Variants in BLTP1 observed in about 807,000 individuals in gnomAD.
BLTP1 encodes the protein fragile site-associated protein.
the BLTP1 span, chr4:122,286,311 T>C: frequency 4.0e-3 from 1,614 of 407,876 alleles, 3 homozygotes; most frequent in Non-Finnish European, 4.6e-3. Context: ...CTGCCAGTCT[T>C]AATAAATAAT....
chr4:122,299,786 A>G, the BLTP1 span: 5 of 984,374 alleles, frequency 5.1e-6, no homozygotes, highest in African/African-American at 1.7e-5. Context: ...AGGGTTATCA[A>G]TGATGAGGCT....
chr4:122,327,099 GTGTTT>G, the BLTP1 span, among the ~76,000 whole-genome samples: 762 of 148,230 alleles, frequency 5.1e-3, 3 homozygotes, highest in African/African-American at 0.016. Flanking sequence ...TCATAGGGGG[GTGTTT>G]TGTTTTGTTT....
the BLTP1 span, chr4:122,341,969 A>G: frequency 4.7e-5 from 16 of 336,910 alleles, no homozygotes; most frequent in Non-Finnish European, 6.7e-5. Context: ...CAAAAAGGAA[A>G]AAAAAGCCAT....
the BLTP1 span, among the ~76,000 whole-genome samples, chr4:122,165,994 T>C: frequency 6.6e-6 from 1 of 152,012 alleles, no homozygotes; most frequent in African/African-American, 2.4e-5. Context: ...GATGAGTAGA[T>C]TGCAAAAATT....
At chr4:122,325,727 T>C in the BLTP1 span, 1 of 844,848 alleles carries the variant, frequency 1.2e-6, no homozygotes, top group African/African-American at 1.8e-5. Flanking sequence ...CAAAGTTGTA[T>C]TCTAATTTCA....
the BLTP1 span, chr4:122,154,053 G>A: frequency 1.0e-6 from 1 of 984,382 alleles, no homozygotes; most frequent in Non-Finnish European, 1.2e-6. Flanking sequence ...CTGCAGAAAG[G>A]CTATCTGAAG....
chr4:122,222,125 C>G, the BLTP1 span, among the ~76,000 whole-genome samples: 7 of 152,074 alleles, frequency 4.6e-5, no homozygotes, highest in East Asian at 1.9e-4. Context: ...CAACTTACCC[C>G]GAAGACAAAG....
the BLTP1 span, chr4:122,347,440 G>C: frequency 6.7e-7 from 1 of 1,496,944 alleles, no homozygotes; most frequent in Non-Finnish European, 9.0e-7. Flanking sequence ...TAGAAATGAT[G>C]GATGGGTGAA....
chr4:122,154,128 T>C, the BLTP1 span: 1 of 965,886 alleles, frequency 1.0e-6, no homozygotes, highest in Non-Finnish European at 1.2e-6. Context: ...TATTTTTGGC[T>C]AAGTTTTAAA....
the BLTP1 span, chr4:122,289,342 C>G: frequency 6.2e-6 from 5 of 802,382 alleles, no homozygotes; most frequent in Non-Finnish European, 9.0e-6. Flanking sequence ...CCTTTTATGG[C>G]TTTTCCACCT....
At chr4:122,310,575 A>G in the BLTP1 span, among the ~76,000 whole-genome samples, 7 of 152,140 alleles carry the variant, frequency 4.6e-5, no homozygotes, top group African/African-American at 1.7e-4. Flanking sequence ...GGGGAAACTA[A>G]CCAAGGTCTG....
chr4:122,209,928 AGT>A, the BLTP1 span: 1 of 1,611,810 alleles, frequency 6.2e-7, no homozygotes, highest in South Asian at 1.1e-5. Flanking sequence ...CAATCATGTA[AGT>A]GTTTTTATAT....
At chr4:122,261,888 G>A in the BLTP1 span, 2 of 985,366 alleles carry the variant, frequency 2.0e-6, no homozygotes, top group South Asian at 4.7e-5. Flanking sequence ...AGGATGACTG[G>A]GAGGGCATTG....
the BLTP1 span, chr4:122,219,610 A>T: frequency 7.1e-7 from 1 of 1,416,844 alleles, no homozygotes; most frequent in Non-Finnish European, 1.0e-6. Flanking sequence ...ATATTATAAC[A>T]TCCACCTGTG....
the BLTP1 span, among the ~76,000 whole-genome samples, chr4:122,355,171 G>A: frequency 6.6e-6 from 1 of 152,110 alleles, no homozygotes; most frequent in African/African-American, 2.4e-5. Context: ...TATGGCTGGA[G>A]TGTCCTAAAG....
At chr4:122,276,957 A>T in the BLTP1 span, 2 of 984,478 alleles carry the variant, frequency 2.0e-6, no homozygotes, top group Admixed American at 6.2e-5. Context: ...ATAATTGGCA[A>T]ATTTTCTGCA....
At chr4:122,331,153 T>G in the BLTP1 span, 7 of 932,320 alleles carry the variant, frequency 7.5e-6, no homozygotes, top group Non-Finnish European at 9.0e-6. Context: ...ATATAATAGT[T>G]ATTCAGTACA....
chr4:122,239,451 A>G, the BLTP1 span: 1 of 1,272,260 alleles, frequency 7.9e-7, no homozygotes, highest in African/African-American at 1.5e-5. Flanking sequence ...TTTTATTGAT[A>G]TTTGTTTTTA....
At chr4:122,277,720 C>A in the BLTP1 span, 1 of 983,320 alleles carries the variant, frequency 1.0e-6, no homozygotes, top group Non-Finnish European at 1.2e-6. Context: ...AGTTACACTT[C>A]CTCCTTCCTA....
Sources: allele counts gnomAD v4.1 joint callset (sites outside exome capture counted in the v4.1 genomes callset), GRCh38; gene constraint gnomAD v4.1.1; transcripts MANE v1.5; gene names NCBI Gene and HGNC (gene_info 2026-07-23, HGNC 2026-07-21).